Variants in TC2N observed in about 807,000 individuals in gnomAD.
TC2N encodes tandem C2 domains, nuclear.
A neutral mutation model predicts 61.9 loss-of-function variants in TC2N; 51 were observed. The observed-to-expected ratio is 0.82, with a 90% CI of 0.66 to 1.04. The LOEUF (loss-of-function observed/expected upper bound fraction) is 1.04. Ranked by LOEUF, TC2N falls within the 50% of genes least tolerant of loss-of-function variation. TC2N has a pLI of 0.00. For missense variants in TC2N, 556 were observed against 566.7 expected (o/e 0.98, Z 0.19); for synonymous variants, 204 against 192.6 (o/e 1.06, Z -0.49).
At chr14:91,812,813 G>T (rs1254075511) in intron 2 of TC2N, among the ~76,000 whole-genome samples, 1 of 151,812 alleles carries the variant, frequency 6.6e-6, no homozygotes, top group Non-Finnish European at 1.5e-5. Flanking sequence ...AGAATTCATA[G>T]ATGGAAAACA....
rs374483479 is a variant in TC2N at position 91,798,354 on chromosome 14, T to A, written c.683A>T (p.Asn228Ile). Reference sequence around the variant, plus strand: ...TGAAGAATTATAAAACAATTTCACATTCAGTCTCCCAAAGTCCCTTTCATC... The same window carrying A: ...TGAAGAATTATAAAACAATTTCACAATCAGTCTCCCAAAGTCCCTTTCATC... ...SGDERDFGRLNVKLFYNSSVE... is the reference protein window; with the variant it reads ...SGDERDFGRLIVKLFYNSSVE... Residue 228 changes from asparagine (N) to isoleucine (I), a missense_variant, in exon 7 of 12, where the codon AAT becomes ATT. Physicochemically the swap from Asn to Ile is moderately radical, Grantham distance 149. Transcript: ENST00000435962. 4.4e-5 allele frequency: 71 copies of A among 1,596,372 alleles called. No homozygotes were observed. In the Admixed American group the frequency reaches 1.1e-3, roughly 26 times the overall value.
intron 1 of TC2N, among the ~76,000 whole-genome samples, chr14:91,847,815 A>G (rs1888299687): frequency 6.6e-6 from 1 of 152,248 alleles, no homozygotes; most frequent in South Asian, 2.1e-4. Flanking sequence ...GATAACTAAT[A>G]TGGTTAACCT....
In TC2N at chr14:91,792,486, T is replaced by TA. The variant is rs1448374934; in HGVS notation, c.927dup (p.Lys310Ter). Reference sequence around the variant, plus strand: ...TTCCTGGGAGTCTGGGTTTGAATCTTAAATACAAGTCTTACAGTTTGTAGA... The same window carrying TA: ...TTCCTGGGAGTCTGGGTTTGAATCTTAAAATACAAGTCTTACAGTTTGTAGA... On this transcript the variant is annotated frameshift_variant, in exon 9 of 12. Transcript: ENST00000435962. LOFTEE classifies it high-confidence loss of function. 1.2e-6 allele frequency: 2 copies of TA among 1,610,456 alleles called. No homozygotes were observed. The highest frequency in any genetic ancestry group is 1.7e-6 in the Non-Finnish European group (2 of 1,177,364).
At chr14:91,789,623 C>T (rs1029024914) in intron 9 of TC2N, among the ~76,000 whole-genome samples, 1 of 132,220 alleles carries the variant, frequency 7.6e-6, no homozygotes, top group East Asian at 2.2e-4. Context: ...AAACAAAAAA[C>T]AAAAAAAAAA....
At chr14:91,851,642 G>T (rs931896400) in intron 1 of TC2N, among the ~76,000 whole-genome samples, 4 of 152,270 alleles carry the variant, frequency 2.6e-5, no homozygotes, top group South Asian at 2.1e-4. Context: ...AAATTCTCAG[G>T]CTGAAAATTG....
At chr14:91,793,143 T>C (rs1193455092) in intron 8 of TC2N, among the ~76,000 whole-genome samples, 1 of 152,194 alleles carries the variant, frequency 6.6e-6, no homozygotes, top group East Asian at 1.9e-4. Context: ...AAATTATATC[T>C]TCTCTCCTAA....
intron 10 of TC2N, among the ~76,000 whole-genome samples, chr14:91,786,541 T>G (rs947713037): frequency 6.6e-6 from 1 of 152,092 alleles, no homozygotes; most frequent in Non-Finnish European, 1.5e-5. Context: ...TACCTTTTCA[T>G]GCTTATTCTT....
intron 1 of TC2N, among the ~76,000 whole-genome samples, chr14:91,827,874 C>A (rs1195973309): frequency 6.6e-6 from 1 of 152,178 alleles, no homozygotes; most frequent in Non-Finnish European, 1.5e-5. Context: ...CTTTTAGCTC[C>A]TTTACATGCC....
intron 1 of TC2N, among the ~76,000 whole-genome samples, chr14:91,831,108 G>C (rs537573650): frequency 3.9e-5 from 6 of 152,232 alleles, no homozygotes; most frequent in Non-Finnish European, 7.4e-5. Context: ...TCTCTCATAC[G>C]TTTAGCTTTC....
chr14:91,820,545 GAA>G (rs879836561), intron 1 of TC2N, among the ~76,000 whole-genome samples: 1 of 140,806 alleles, frequency 7.1e-6, no homozygotes. Flanking sequence ...CTAAAGCCAG[GAA>G]AAAAAAAAAA....
intron 3 of TC2N, among the ~76,000 whole-genome samples, chr14:91,805,985 G>T (rs944897805): frequency 3.9e-5 from 6 of 152,152 alleles, no homozygotes; most frequent in Admixed American, 3.9e-4. Flanking sequence ...GAGAGACCTG[G>T]TGGGAGATAA....
intron 3 of TC2N, among the ~76,000 whole-genome samples, chr14:91,804,363 C>T (rs890080212): frequency 2.0e-5 from 3 of 152,136 alleles, no homozygotes; most frequent in South Asian, 2.1e-4. Flanking sequence ...AGTGCTTGTA[C>T]ATGTGCACCA....
chr14:91,807,669 G>A (rs1262156441), intron 3 of TC2N, among the ~76,000 whole-genome samples: 1 of 152,192 alleles, frequency 6.6e-6, no homozygotes, highest in African/African-American at 2.4e-5. Flanking sequence ...TGATTTTGCA[G>A]GCTCATAGGC....
intron 1 of TC2N, among the ~76,000 whole-genome samples, chr14:91,847,124 G>A (rs552298141): frequency 6.6e-6 from 1 of 152,122 alleles, no homozygotes; most frequent in East Asian, 1.9e-4. Context: ...CAGGCGTTGT[G>A]GTGGGCGCCT....
chr14:91,840,222 A>G (rs1888139217), intron 1 of TC2N, among the ~76,000 whole-genome samples: 1 of 152,206 alleles, frequency 6.6e-6, no homozygotes, highest in Non-Finnish European at 1.5e-5. Flanking sequence ...AGTGAAAAAT[A>G]TATTTTATTG....
chr14:91,821,445 T>G (rs1340705150), intron 1 of TC2N, among the ~76,000 whole-genome samples: 1 of 151,666 alleles, frequency 6.6e-6, no homozygotes. Flanking sequence ...CCACATGCCC[T>G]TCCCACAAAA....
chr14:91,819,727 T>C (rs1887161970), intron 1 of TC2N, among the ~76,000 whole-genome samples: 2 of 152,280 alleles, frequency 1.3e-5, no homozygotes, highest in African/African-American at 4.8e-5. Flanking sequence ...TTGTAACATA[T>C]GTAAAACTAA....
chr14:91,841,976 CTTTT>C (rs10682178), intron 1 of TC2N, among the ~76,000 whole-genome samples: 1 of 125,764 alleles, frequency 8.0e-6, no homozygotes. Flanking sequence ...TCCCTTCCAC[CTTTT>C]TTTTTTTTTT....
chr14:91,846,081 C>A (rs1309843109), intron 1 of TC2N, among the ~76,000 whole-genome samples: 2 of 152,202 alleles, frequency 1.3e-5, no homozygotes, highest in Non-Finnish European at 2.9e-5. Flanking sequence ...TCTGCTGCTG[C>A]ACCTCTGGGC....
Sources: gnomAD v4.1 joint callset for allele counts (sites outside exome capture counted in the v4.1 genomes callset) on GRCh38, gnomAD v4.1.1 for gene constraint, MANE v1.5 for transcripts, NCBI Gene and HGNC (gene_info 2026-07-23, HGNC 2026-07-21) for gene names.